RTN4: variants seen among roughly 807,000 people sequenced by gnomAD.
RTN4 encodes reticulon 4.
RTN4 carries 32 observed loss-of-function variants against 90.4 expected under a neutral mutation model. The observed-to-expected ratio is 0.35, with a 90% CI of 0.27 to 0.48. The LOEUF (loss-of-function observed/expected upper bound fraction) is 0.48, where lower values mean the gene tolerates loss of function less well. Among genes scored for constraint, RTN4 ranks in the 20% least tolerant of loss-of-function variants. The pLI is 0.99. For missense variants in RTN4, 1,706 were observed against 1,430.2 expected, an observed-to-expected ratio of 1.19 and a Z score of -3.11; for synonymous variants, 629 against 552.5, an observed-to-expected ratio of 1.14 and a Z score of -1.94.
rs1178906848 is a variant in RTN4, at chr2:55,044,799, AAAAAAAAAAAAG to A, written c.556+4934_556+4945del. ...TTGCAAATCACTAAAAAAAAAAAAA[AAAAAAAAAAAAG>A]ACCACAAATTTGACACTCAGTTGCC... is the stretch of plus-strand genomic sequence containing the variant. On this transcript the variant is annotated intron_variant, in intron 1 of 8. Coordinates refer to ENST00000337526, the MANE Select transcript of RTN4 (RefSeq NM_020532.5). Among the ~76,000 whole-genome samples, 3 of 149,896 alleles carry A rather than the reference AAAAAAAAAAAAG, an allele frequency of 2.0e-5. 1 individual carries two copies. The highest frequency in any genetic ancestry group is 1.3e-4 in the Admixed American group (2 of 15,096).
chr2:55,125,917 C>A, the RTN4 span, among the ~76,000 whole-genome samples: 3 of 151,718 alleles, frequency 2.0e-5, no homozygotes, highest in Non-Finnish European at 2.9e-5. Context: ...AAAAATTAGC[C>A]AGGCATGGCA....
At chr2:55,126,913 C>T in the RTN4 span, among the ~76,000 whole-genome samples, 25 of 152,174 alleles carry the variant, frequency 1.6e-4, no homozygotes, top group African/African-American at 5.8e-4. Flanking sequence ...AATGCAGGAA[C>T]GGAAACCCAA....
At chr2:54,984,442 A>T (rs907614683) in intron 4 of RTN4, among the ~76,000 whole-genome samples, 6 of 152,328 alleles carry the variant, frequency 3.9e-5, no homozygotes, top group African/African-American at 1.4e-4. Context: ...TTAAACCAGC[A>T]ATTATTTGTT....
chr2:55,070,969 G>T (rs952242924), intron 2 of RTN4, among the ~76,000 whole-genome samples: 10 of 151,660 alleles, frequency 6.6e-5, no homozygotes, highest in Admixed American at 1.3e-4. Flanking sequence ...TTAGAGATGG[G>T]GTTTCACTGT....
chr2:55,036,062 T>G (rs1235641893), intron 1 of RTN4, among the ~76,000 whole-genome samples: 2 of 152,098 alleles, frequency 1.3e-5, no homozygotes. Flanking sequence ...CACAAACTCT[T>G]TGAGCATATA....
At chr2:55,079,148 A>C (rs933695247) in intron 2 of RTN4, among the ~76,000 whole-genome samples, 2 of 152,212 alleles carry the variant, frequency 1.3e-5, no homozygotes, top group African/African-American at 4.8e-5. Flanking sequence ...TTGATCTATA[A>C]GGCAAAGACA....
intron 3 of RTN4, among the ~76,000 whole-genome samples, chr2:55,008,119 A>C (rs1423410893): frequency 6.7e-6 from 1 of 149,876 alleles, no homozygotes; most frequent in African/African-American, 2.5e-5. Context: ...CGAGTATCTT[A>C]AATACCAGTT....
chr2:54,999,425 G>T (rs1158478198), intron 3 of RTN4, among the ~76,000 whole-genome samples: 1 of 152,104 alleles, frequency 6.6e-6, no homozygotes, highest in Non-Finnish European at 1.5e-5. Flanking sequence ...TCTTTGAACA[G>T]CCCGAAGTCA....
At chr2:55,039,352 A>G (rs944646220) in intron 1 of RTN4, among the ~76,000 whole-genome samples, 2 of 152,258 alleles carry the variant, frequency 1.3e-5, no homozygotes, top group African/African-American at 4.8e-5. Flanking sequence ...AGAGACCACA[A>G]GCAAGGGAGA....
chr2:55,025,575 T>A lies in RTN4; in HGVS notation c.2524A>T (p.Asn842Tyr). ...TCCTTAGAAATAAATAAGTCATCAT[T>A]TGAATAAACTGCAGTACTGAGCTCC... ...MEELSTAVYS[N>Y]DDLFISKEAQ... Residue 842 changes from asparagine (N) to tyrosine (Y), a missense_variant, in exon 3 of 9, where the codon AAT becomes TAT. By Grantham distance (143) the Asn-to-Tyr change is moderately radical. Transcript: ENST00000337526. 7.4e-6 allele frequency: 12 copies of A among 1,613,702 alleles called. No homozygotes were observed. Among genetic ancestry groups the A allele is most frequent in the Non-Finnish European group, 1.0e-5 (12 of 1,179,810 alleles).
chr2:55,008,663 T>A (rs993641132), intron 3 of RTN4, among the ~76,000 whole-genome samples: 3 of 152,094 alleles, frequency 2.0e-5, no homozygotes, highest in Non-Finnish European at 2.9e-5. Context: ...ATGAACTACA[T>A]TGGAACTTAA....
chr2:55,121,294 A>G, the RTN4 span, among the ~76,000 whole-genome samples: 1 of 152,212 alleles, frequency 6.6e-6, no homozygotes, highest in African/African-American at 2.4e-5. Flanking sequence ...TGTGTTGAGT[A>G]TTATGATAGA....
At chr2:55,058,351 G>A (rs1339502383) in intron 2 of RTN4, among the ~76,000 whole-genome samples, 5 of 152,156 alleles carry the variant, frequency 3.3e-5, no homozygotes, top group Non-Finnish European at 1.5e-5. Flanking sequence ...ATGTAGGAGG[G>A]AATCAGGGGT....
At chr2:55,070,364 C>T (rs115913808) in intron 2 of RTN4, among the ~76,000 whole-genome samples, 2,149 of 151,472 alleles carry the variant, frequency 0.014, 30 homozygotes, top group Admixed American at 0.019. Context: ...TTCAACATAG[C>T]GAGATCTTGT....
At chr2:54,993,137 T>C (rs1679157823) in intron 3 of RTN4, among the ~76,000 whole-genome samples, 2 of 151,826 alleles carry the variant, frequency 1.3e-5, no homozygotes, top group African/African-American at 4.8e-5. Context: ...AAAGTATATC[T>C]ACTAAGCAGT....
intron 2 of RTN4, among the ~76,000 whole-genome samples, chr2:55,077,307 C>T (rs2105024811): frequency 6.6e-6 from 1 of 152,264 alleles, no homozygotes; most frequent in East Asian, 1.9e-4. Context: ...GCCACCACAC[C>T]CCGCCTAGGG....
chr2:54,995,283 C>T (rs1679331209), intron 3 of RTN4, among the ~76,000 whole-genome samples: 1 of 151,666 alleles, frequency 6.6e-6, no homozygotes, highest in Non-Finnish European at 1.5e-5. Flanking sequence ...AACACTTCTA[C>T]TATTAAACAC....
intron 2 of RTN4, among the ~76,000 whole-genome samples, chr2:55,077,012 CTTTTT>C (rs35498029): frequency 1.5e-5 from 2 of 137,520 alleles, no homozygotes; most frequent in Admixed American, 7.3e-5. Flanking sequence ...TCAGGCAGTT[CTTTTT>C]TTTTTTTTTT....
At chr2:55,063,772 T>TTGGG (rs1383567977) in intron 2 of RTN4, among the ~76,000 whole-genome samples, 1 of 151,904 alleles carries the variant, frequency 6.6e-6, no homozygotes, top group Non-Finnish European at 1.5e-5. Flanking sequence ...TCCCACCTAC[T>TTGGG]TGGGAAGTTG....
Sources: allele counts gnomAD v4.1 joint callset (sites outside exome capture counted in the v4.1 genomes callset), GRCh38; gene constraint gnomAD v4.1.1; transcripts MANE v1.5; gene names NCBI Gene and HGNC (gene_info 2026-07-23, HGNC 2026-07-21).